Variants in TTC13 observed in about 807,000 individuals in gnomAD.
TTC13 encodes the protein tetratricopeptide repeat domain 13.
TTC13 carries 62 observed loss-of-function variants against 120.0 expected under a neutral mutation model. The ratio of observed to expected loss-of-function variants is 0.52; its 90% CI spans 0.42 to 0.64. The LOEUF (loss-of-function observed/expected upper bound fraction) is 0.64. Ranked by LOEUF, TTC13 falls within the 30% of genes least tolerant of loss-of-function variation. The probability of loss-of-function intolerance (pLI) is 0.00; values close to 1 mark genes in which losing one functional copy is unlikely to be tolerated. For synonymous variants in TTC13, 384 were observed against 393.5 expected (o/e 0.98, Z 0.28); for missense variants, 824 against 1,050.2 (o/e 0.78, Z 2.98).
intron 1 of TTC13, among the ~76,000 whole-genome samples, chr1:230,974,381 G>A (rs899157461): frequency 6.6e-6 from 1 of 152,182 alleles, no homozygotes; most frequent in Admixed American, 6.5e-5. Context: ...TTCGGCCAAT[G>A]ATGGACCACG....
At chr1:230,907,365 G>T (rs1671033675) in intron 22 of TTC13, among the ~76,000 whole-genome samples, 1 of 152,212 alleles carries the variant, frequency 6.6e-6, no homozygotes, top group South Asian at 2.1e-4. Context: ...TACTTCTCTA[G>T]GCTGCACTTC....
chr1:230,916,925 C>T (rs1672091060), intron 17 of TTC13, among the ~76,000 whole-genome samples: 1 of 152,086 alleles, frequency 6.6e-6, no homozygotes, highest in African/African-American at 2.4e-5. Context: ...TTGGGACAAA[C>T]CTGCAATGGC....
intron 10 of TTC13, 59 bp from the exon 11 acceptor site, chr1:230,931,531 A>T (rs1673555558): frequency 1.3e-6 from 2 of 1,578,844 alleles, no homozygotes; most frequent in Non-Finnish European, 8.6e-7. Flanking sequence ...GAAATGCTTT[A>T]TTCTTTACTC....
intron 12 of TTC13, 28 bp from the exon 13 acceptor site, chr1:230,925,675 G>GTTA (rs1672988778): frequency 6.2e-7 from 1 of 1,611,870 alleles, no homozygotes; most frequent in Non-Finnish European, 8.5e-7. Flanking sequence ...TACATGATAA[G>GTTA]GACTTTTACA....
At chr1:230,956,834 T>C (rs12078683) in intron 3 of TTC13, among the ~76,000 whole-genome samples, 1 of 152,024 alleles carries the variant, frequency 6.6e-6, no homozygotes, top group Non-Finnish European at 1.5e-5. Context: ...GTCTAAAGAC[T>C]TAAAGGAAAA....
intron 1 of TTC13, among the ~76,000 whole-genome samples, chr1:230,963,494 G>T (rs1234499703): frequency 6.6e-6 from 1 of 151,864 alleles, no homozygotes; most frequent in Admixed American, 6.6e-5. Context: ...AAATTAGCTG[G>T]GTGTGGTAGT....
chr1:230,924,890 G>A lies in TTC13; in HGVS notation c.1672C>T (p.Arg558Trp), dbSNP rs752719200. ...NSKVRMNGKT[R>W]LMQWRDMFDI... ...AACATGTCTCTCCACTGCATCAACC[G>A]TGTCTTCCCATTCATTCGAACTTTC... Residue 558 changes from arginine (R) to tryptophan (W), a missense_variant, in exon 14 of 23, where the codon CGG (arginine) becomes TGG (tryptophan). By Grantham distance (101) the Arg-to-Trp change is moderately radical. Coordinates refer to ENST00000366661, the MANE Select transcript of TTC13 (RefSeq NM_024525.5). 1.2e-5 allele frequency: 20 copies of A among 1,614,010 alleles called. 1 individual carries two copies. The highest frequency in any genetic ancestry group is 2.7e-5 in the African/African-American group (2 of 74,896).
chr1:230,915,097 A>G (rs992704553), intron 18 of TTC13, among the ~76,000 whole-genome samples: 2 of 152,212 alleles, frequency 1.3e-5, no homozygotes, highest in African/African-American at 4.8e-5. Context: ...AGAGATCAAG[A>G]CTTCAAAGAT....
At chr1:230,956,881 C>A (rs1383913208) in intron 3 of TTC13, among the ~76,000 whole-genome samples, 2 of 152,156 alleles carry the variant, frequency 1.3e-5, no homozygotes, top group South Asian at 4.1e-4. Flanking sequence ...AATCTCTACT[C>A]ACCAGCAACC....
At position 230,911,484 on chromosome 1, in the gene TTC13, G is replaced by A. The variant is rs147642337; in HGVS notation, c.2295C>T (p.Leu765=). ...LVYYFYNLMP[L]SRGSSVIAYS... ...ATATTACTTACCTGGATCCTCGAGA[G>A]AGTGGCATTAAATTATAAAAGTAAT... is the stretch of plus-strand genomic sequence containing the variant. The change falls in exon 20 of 23, where the codon CTC becomes CTT. Residue 765 remains leucine (L), a synonymous_variant. Coordinates refer to ENST00000366661, the MANE Select transcript of TTC13 (RefSeq NM_024525.5). 350 of 1,598,412 alleles carry A rather than the reference G, an allele frequency of 2.2e-4. No individual in the cohort carries two copies. The African/African-American group carries it at 4.2e-3, about 19-fold the overall frequency.
At chr1:230,916,124 G>A in intron 18 of TTC13, 69 bp downstream of exon 18, 1 of 1,160,554 alleles carries the variant, frequency 8.6e-7, no homozygotes, top group Non-Finnish European at 1.3e-6. Flanking sequence ...AAACTCTATA[G>A]TGACAATAAG....
At chr1:230,960,575 GAA>G (rs397983176) in intron 2 of TTC13, among the ~76,000 whole-genome samples, 6 of 128,536 alleles carry the variant, frequency 4.7e-5, no homozygotes, top group Admixed American at 1.6e-4. Flanking sequence ...GGCTTTGTTT[GAA>G]AAAAAAAAAA....
At chr1:230,948,327 C>T (rs1362617432) in intron 4 of TTC13, among the ~76,000 whole-genome samples, 2 of 68,684 alleles carry the variant, frequency 2.9e-5, no homozygotes, top group African/African-American at 1.1e-4. Context: ...GCATATTTCA[C>T]TTAAAAAAAA....
At chr1:230,950,148 C>G (rs1391095863) in intron 4 of TTC13, among the ~76,000 whole-genome samples, 1 of 151,922 alleles carries the variant, frequency 6.6e-6, no homozygotes, top group Non-Finnish European at 1.5e-5. Context: ...TTATGGAATG[C>G]CATAGTAAAT....
In TTC13 at chr1:230,975,482, A is replaced by G. The variant is rs557343253; in HGVS notation, c.271+3078T>C. ...AAAAAAGTGAGGAAAGAATTGGAAA[A>G]ATACTTCTGTTCATCATTTCCTCCG... On this transcript the variant is annotated intron_variant, in intron 1 of 22. Coordinates refer to ENST00000366661, the MANE Select transcript of TTC13 (RefSeq NM_024525.5). Among the ~76,000 whole-genome samples, 6 of 152,328 alleles carry G rather than the reference A, an allele frequency of 3.9e-5. No individual in the cohort carries two copies. In the South Asian group the frequency reaches 1.2e-3, roughly 32 times the overall value.
At chr1:230,917,468 A>G (rs1672148710) in intron 17 of TTC13, among the ~76,000 whole-genome samples, 1 of 152,162 alleles carries the variant, frequency 6.6e-6, no homozygotes, top group Admixed American at 6.5e-5. Flanking sequence ...CAACAGTACC[A>G]TTGTGCCTTT....
At chr1:230,958,125 G>A in intron 3 of TTC13, 99 bp downstream of exon 3, 1 of 1,209,468 alleles carries the variant, frequency 8.3e-7, no homozygotes. Flanking sequence ...AATTGGCAAA[G>A]CCAGTCTCTC....
At chr1:230,955,451 CAG>C (rs148939301) in intron 3 of TTC13, among the ~76,000 whole-genome samples, 26,404 of 150,444 alleles carry the variant, frequency 0.18, 2,486 homozygotes, top group East Asian at 0.4. Context: ...ATCACAAGGT[CAG>C]GAGATCGAGA....
chr1:230,978,843 C>A lies in TTC13; in HGVS notation c.-13G>T. The stretch of plus-strand genomic sequence containing the variant: ...CGGCAGGTGCCATCTTCCCTCAAGG[C>A]GCATGCGCGACAGCCCTTGCCCGGC... On this transcript the variant is annotated 5_prime_UTR_variant, in exon 1 of 23. Coordinates refer to ENST00000366661, the MANE Select transcript of TTC13 (RefSeq NM_024525.5). The surrounding 1 kb of genome is among the most constrained non-coding windows in gnomAD (Gnocchi z 5.6). The A allele has an allele frequency of 6.8e-7, 1 of 1,463,138 alleles. No homozygotes were observed. The highest frequency in any genetic ancestry group is 1.3e-5 in the South Asian group (1 of 74,226). The allele number at this position is 1,463,138 out of a possible 1,614,324, so 90.6% of individuals were successfully genotyped here. A position where few individuals can be genotyped will look rare whatever the true frequency, so the allele number is the denominator to read the frequency against.
Sources: allele counts gnomAD v4.1 joint callset (sites outside exome capture counted in the v4.1 genomes callset), GRCh38; gene constraint gnomAD v4.1.1; non-coding constraint Gnocchi (gnomAD v3.1); transcripts MANE v1.5; gene names NCBI Gene and HGNC (gene_info 2026-07-23, HGNC 2026-07-21).